The following CCN4 variants were observed in gnomAD, a reference collection of about 807,000 sequenced individuals.
The protein encoded by CCN4 is CCN family member 4.
Under a neutral mutation model 36.7 loss-of-function variants are expected in CCN4, and 30 were observed. The observed-to-expected ratio is 0.82, with a 90% CI of 0.61 to 1.11. The LOEUF is 1.11. CCN4 is among the 50% of genes least tolerant of loss of function. The pLI, the probability that CCN4 is intolerant of heterozygous loss-of-function variation, is 0.00. For missense variants in CCN4, 505 were observed against 504.9 expected, an observed-to-expected ratio of 1.00 and a Z score of 0.00; for synonymous variants, 191 against 195.4, an observed-to-expected ratio of 0.98 and a Z score of 0.19.
intron 1 of CCN4, among the ~76,000 whole-genome samples, chr8:133,195,214 G>A (rs1354835267): frequency 1.3e-5 from 2 of 148,894 alleles, no homozygotes; most frequent in Non-Finnish European, 3.0e-5. Flanking sequence ...TGTATGGTGT[G>A]TGTATGTGTG....
Position 133,191,321 on chromosome 8 carries a change from G to A in CCN4, c.69+108G>A, listed in dbSNP as rs1459528151. 3.0e-6 allele frequency: 4 copies of A among 1,326,744 alleles called. No individual in the cohort carries two copies. In the African/African-American group the frequency reaches 4.4e-5, roughly 15 times the overall value. 82.2% of individuals were successfully genotyped at this position (1,326,744 alleles called of 1,614,324 possible). On this transcript the variant is annotated intron_variant, in intron 1 of 4. Coordinates refer to ENST00000250160, the MANE Select transcript of CCN4 (RefSeq NM_003882.4). ...ATGAAAAGGGCCAGGAAGGTTTGGG[G>A]CTGGAAGGTGGCCACTTACAGGGCA...
At position 133,231,596 on chromosome 8, in the gene CCN4, A is replaced by T. The variant is rs77866098; in HGVS notation, c.*3886A>T. 1 of 152,188 alleles carries T rather than the reference A, an allele frequency of 6.6e-6. No homozygotes were observed. Among genetic ancestry groups the T allele is most frequent in the Non-Finnish European group, 1.5e-5 (1 of 68,040 alleles). 9.4% of individuals were successfully genotyped at this position (152,188 alleles called of 1,614,324 possible). On this transcript the variant is annotated 3_prime_UTR_variant, in exon 5 of 5. Transcript: ENST00000250160. ...AAGGTAATAAACCATCAGCAAAGTC[A>T]CATACTGGAGTTGGTGGCTTTTCTT...
intron 1 of CCN4, among the ~76,000 whole-genome samples, chr8:133,203,794 G>A (rs1194753752): frequency 2.0e-5 from 3 of 152,156 alleles, no homozygotes; most frequent in Non-Finnish European, 4.4e-5. Flanking sequence ...CAAACGGGAC[G>A]CTTCAGATAT....
chr8:133,227,632 T>A lies in CCN4; in HGVS notation c.1026T>A (p.Cys342Ter). 6.2e-7 allele frequency: 1 copy of A among 1,614,240 alleles called. No homozygotes were observed. The highest frequency in any genetic ancestry group is 8.5e-7 in the Non-Finnish European group (1 of 1,180,036). The change falls in exon 5 of 5, where the codon TGT (cysteine) becomes TGA (stop). Residue 342 changes from cysteine (C) to a stop codon, truncating the protein, a stop_gained. Transcript: ENST00000250160. LOFTEE classifies it high-confidence loss of function. ...RQVLWINACF[C>*]NLSCRNPNDI... ...TCCTATGGATTAATGCCTGCTTCTG[T>A]AACCTGAGCTGTAGGAATCCCAATG...
At chr8:133,201,523 T>G (rs1410713129) in intron 1 of CCN4, among the ~76,000 whole-genome samples, 1 of 152,160 alleles carries the variant, frequency 6.6e-6, no homozygotes, top group Admixed American at 6.5e-5. Flanking sequence ...TCAGGCTGTC[T>G]AGGATTCGCT....
rs200030526 is a variant in CCN4 at position 133,225,529 on chromosome 8, G to C, written c.750G>C (p.Glu250Asp). Residue 250 changes from glutamate (E) to aspartate (D), a missense_variant, in exon 4 of 5, where the codon GAG becomes GAC. Glu to Asp is a conservative substitution (Grantham distance 45, BLOSUM62 2). Transcript: ENST00000250160. Reference protein sequence around the residue: ...NVNAQCWPEQESRLCNLRPCD... With the variant: ...NVNAQCWPEQDSRLCNLRPCD... Reference sequence around the variant, plus strand: ...ACGCCCAGTGCTGGCCTGAGCAAGAGAGCCGCCTCTGCAACTTGCGGCCAT... The same window carrying C: ...ACGCCCAGTGCTGGCCTGAGCAAGACAGCCGCCTCTGCAACTTGCGGCCAT... 3 of 1,613,624 alleles carry C rather than the reference G, an allele frequency of 1.9e-6. No homozygotes were observed. The African/African-American group carries it at 4.0e-5, about 22-fold the overall frequency.
chr8:133,210,920 C>T (rs1398530812), intron 1 of CCN4, among the ~76,000 whole-genome samples: 5 of 152,198 alleles, frequency 3.3e-5, no homozygotes, highest in Admixed American at 3.3e-4. Context: ...GGAACTGCAT[C>T]GCAGCGGCCT....
At chr8:133,204,319 C>T (rs929871475) in intron 1 of CCN4, among the ~76,000 whole-genome samples, 18 of 152,146 alleles carry the variant, frequency 1.2e-4, no homozygotes, top group African/African-American at 3.4e-4. Flanking sequence ...TGCAGGTCTG[C>T]GTGAACTGCT....
At position 133,191,121 on chromosome 8, in the gene CCN4, T is replaced by C. The variant is rs1426548570; in HGVS notation, c.-24T>C. The C allele has an allele frequency of 3.7e-6, 6 of 1,605,080 alleles. No individual in the cohort carries two copies. Among genetic ancestry groups the C allele is most frequent in the East Asian group, 2.2e-5 (1 of 44,838 alleles). ...CGGATCCTCTGGGCTGCTCGGTCGA[T>C]GCCTGTGCCACTGACGTCCAGGCAT... On this transcript the variant is annotated 5_prime_UTR_variant, in exon 1 of 5. An upstream start codon of the reference 5' UTR is lost. Transcript: ENST00000250160.
Position 133,220,740 on chromosome 8 carries a change from C to A in CCN4, c.509C>A (p.Pro170Gln). ...CCCCCGCGTCTCTGGTGCCCCCACC[C>A]GCGGCGCGTGAGCATACCTGGCCAC... Reference protein sequence around the residue: ...VRPPRLWCPHPRRVSIPGHCC... With the variant: ...VRPPRLWCPHQRRVSIPGHCC... The change falls in exon 3 of 5, where the codon CCG becomes CAG. Residue 170 changes from proline (P) to glutamine (Q), a missense_variant. By Grantham distance (76) the Pro-to-Gln change is moderately conservative. Transcript: ENST00000250160. 1 of 1,613,580 alleles carries A rather than the reference C, an allele frequency of 6.2e-7. No homozygotes were observed. The highest frequency in any genetic ancestry group is 8.5e-7 in the Non-Finnish European group (1 of 1,179,958).
intron 1 of CCN4, 152 bp downstream of exon 1, chr8:133,191,365 A>G (rs1853103366): frequency 6.4e-6 from 6 of 931,140 alleles, no homozygotes; most frequent in Non-Finnish European, 9.4e-6. Flanking sequence ...GCCCAGGGTG[A>G]GGAGTCAGCT....
chr8:133,194,115 C>G (rs1019756779), intron 1 of CCN4, among the ~76,000 whole-genome samples: 1 of 152,148 alleles, frequency 6.6e-6, no homozygotes, highest in African/African-American at 2.4e-5. Flanking sequence ...TGATAAAATC[C>G]TGGGCAAGCA....
intron 1 of CCN4, among the ~76,000 whole-genome samples, chr8:133,198,229 C>T (rs886738637): frequency 6.6e-5 from 10 of 152,294 alleles, no homozygotes; most frequent in African/African-American, 2.2e-4. Context: ...AAGGGGTTGT[C>T]GGCACCCAAA....
intron 1 of CCN4, among the ~76,000 whole-genome samples, chr8:133,203,069 C>A (rs1052952402): frequency 6.6e-6 from 1 of 152,240 alleles, no homozygotes; most frequent in African/African-American, 2.4e-5. Context: ...CCTGCCTCAA[C>A]CCTGCCCCCT....
rs983447505 is a variant in CCN4, at chr8:133,220,746, G to A, written c.515G>A (p.Arg172His). Residue 172 changes from arginine to histidine, a missense_variant, in exon 3 of 5, where the codon CGC becomes CAC. Coordinates refer to ENST00000250160, the MANE Select transcript of CCN4 (RefSeq NM_003882.4). ...CGTCTCTGGTGCCCCCACCCGCGGC[G>A]CGTGAGCATACCTGGCCACTGCTGT... is the stretch of plus-strand genomic sequence containing the variant. The part of the protein sequence containing the change: ...PPRLWCPHPR[R>H]VSIPGHCCEQ... 2.0e-5 allele frequency: 32 copies of A among 1,613,520 alleles called. No homozygotes were observed. The highest frequency in any genetic ancestry group is 9.3e-5 in the African/African-American group (7 of 75,070).
chr8:133,221,936 GGATGGATA>G (rs1854546563), intron 3 of CCN4, among the ~76,000 whole-genome samples: 1 of 151,662 alleles, frequency 6.6e-6, no homozygotes, highest in African/African-American at 2.4e-5. Flanking sequence ...ATGGATGGAT[GGATGGATA>G]GATGTATAAA....
chr8:133,196,221 A>T (rs150029989), intron 1 of CCN4, among the ~76,000 whole-genome samples: 2 of 152,294 alleles, frequency 1.3e-5, no homozygotes, highest in Admixed American at 1.3e-4. Flanking sequence ...TGTTGCTGTA[A>T]TCTAGACCAG....
intron 1 of CCN4, among the ~76,000 whole-genome samples, chr8:133,197,017 C>G (rs1375655832): frequency 6.6e-6 from 1 of 152,086 alleles, no homozygotes; most frequent in African/African-American, 2.4e-5. Context: ...GGCCAGCTTA[C>G]CTGGCACATT....
intron 1 of CCN4, 86 bp downstream of exon 1, chr8:133,191,299 A>C: frequency 6.9e-7 from 1 of 1,453,704 alleles, no homozygotes; most frequent in Non-Finnish European, 9.2e-7. Context: ...GGGCAGGATG[A>C]AAAGGGCCAG....
Sources: gnomAD v4.1 joint callset for allele counts (sites outside exome capture counted in the v4.1 genomes callset) on GRCh38, gnomAD v4.1.1 for gene constraint, MANE v1.5 for transcripts, NCBI Gene and HGNC (gene_info 2026-07-23, HGNC 2026-07-21) for gene names.